HEPH: variants seen among roughly 807,000 people sequenced by gnomAD.
The protein encoded by HEPH is hephaestin.
A neutral mutation model predicts 80.8 loss-of-function variants in HEPH; 69 were observed. The ratio of observed to expected loss-of-function variants is 0.85; its 90% CI spans 0.70 to 1.04. The LOEUF is 1.04. HEPH is among the 50% of genes least tolerant of loss of function. The probability of loss-of-function intolerance (pLI) is 0.00; values close to 1 mark genes in which losing one functional copy is unlikely to be tolerated. For missense variants in HEPH, 1,115 were observed against 891.3 expected, an observed-to-expected ratio of 1.25 and a Z score of -3.20; for synonymous variants, 431 against 322.8, an observed-to-expected ratio of 1.34 and a Z score of -3.60.
intron 1 of HEPH, among the ~76,000 whole-genome samples, chrX:66,165,302 G>A (rs1054237751): frequency 2.7e-5 from 3 of 111,793 alleles, no homozygotes; most frequent in Non-Finnish European, 5.6e-5. Flanking sequence ...CAAGAGATAG[G>A]ATTTGAATCA....
chrX:66,222,400 C>A lies in HEPH; in HGVS notation c.2563+14154C>A, dbSNP rs1168652360. 5.3e-5 allele frequency among the ~76,000 whole-genome samples: 6 copies of A among 112,540 alleles called. No individual in the cohort carries two copies. In the Admixed American group the frequency reaches 5.6e-4, roughly 10 times the overall value. ...GGGGACAATCTGGGCCTCTGGCTTG[C>A]CATGTGCACAAGCATAACAATTGCT... On this transcript the variant is annotated intron_variant, in intron 15 of 20. Coordinates refer to ENST00000343002, the MANE Select transcript of HEPH (RefSeq NM_001367233.3).
chrX:66,168,898 T>A (rs2086477350), intron 1 of HEPH, among the ~76,000 whole-genome samples: 2 of 112,068 alleles, frequency 1.8e-5, no homozygotes, highest in Non-Finnish European at 3.8e-5. Context: ...GTATGTCTGT[T>A]TGTAAAGTGA....
At chrX:66,180,708 T>A (rs1193102293) in intron 4 of HEPH, among the ~76,000 whole-genome samples, 2 of 66,257 alleles carry the variant, frequency 3.0e-5, no homozygotes, top group East Asian at 4.8e-4. Context: ...TTTTTTTTTT[T>A]AATTATACTC....
intron 19 of HEPH, 86 bp from the exon 20 acceptor site, chrX:66,263,558 A>C: frequency 9.7e-7 from 1 of 1,030,221 alleles, no homozygotes; most frequent in Non-Finnish European, 1.4e-6. Flanking sequence ...AAATTTCTGC[A>C]ACCAATGTTG....
At chrX:66,217,550 C>G (rs1006357238) in intron 15 of HEPH, among the ~76,000 whole-genome samples, 4 of 111,541 alleles carry the variant, frequency 3.6e-5, no homozygotes, top group Non-Finnish European at 7.5e-5. Context: ...AAACTTGAAA[C>G]CAATCCTCAA....
At position 66,203,429 on chromosome X, in the gene HEPH, G is replaced by A. The variant is rs1481623155; in HGVS notation, c.2143G>A (p.Val715Ile). 1 of 1,208,017 alleles carries A rather than the reference G, an allele frequency of 8.3e-7. No homozygotes were observed. The highest frequency in any genetic ancestry group is 1.8e-5 in the African/African-American group (1 of 56,581). The stretch of plus-strand genomic sequence containing the variant: ...AGCAGGGATGAGGGCAATCTATAAT[G>A]TCTCCCAGTGTCCTGGCCACCAAGC... ...REAGMRAIYNVSQCPGHQATP... is the reference protein window; with the variant it reads ...REAGMRAIYNISQCPGHQATP... Residue 715 changes from valine to isoleucine, a missense_variant, in exon 13 of 21, where the codon GTC (valine) becomes ATC (isoleucine). Physicochemically the swap from Val to Ile is conservative, Grantham distance 29. Coordinates refer to ENST00000343002, the MANE Select transcript of HEPH (RefSeq NM_001367233.3).
intron 15 of HEPH, among the ~76,000 whole-genome samples, chrX:66,240,545 C>G (rs1476240839): frequency 9.3e-6 from 1 of 108,041 alleles, no homozygotes; most frequent in East Asian, 2.9e-4. Flanking sequence ...TGCACCCACC[C>G]CAGACATACA....
intron 19 of HEPH, among the ~76,000 whole-genome samples, chrX:66,263,040 A>G (rs1447789566): frequency 9.0e-6 from 1 of 111,009 alleles, no homozygotes; most frequent in African/African-American, 3.3e-5. Context: ...ATTGAGGGAG[A>G]GGAAGACTGA....
intron 16 of HEPH, among the ~76,000 whole-genome samples, chrX:66,255,418 CAAAAAACACAAAAG>C (rs1333463759): frequency 2.1e-4 from 22 of 106,286 alleles, no homozygotes; most frequent in Non-Finnish European, 1.3e-4. Flanking sequence ...CACAAACAAA[CAAAAAACACAAAAG>C]AAACCTGGGA....
chrX:66,258,916 G>A lies in HEPH; in HGVS notation c.2973G>A (p.Leu991=), dbSNP rs1173530575. The A allele has an allele frequency of 1.7e-6, 2 of 1,165,594 alleles. No homozygotes were observed. The highest frequency in any genetic ancestry group is 6.3e-5 in the East Asian group (2 of 31,848). Residue 991 remains leucine, a synonymous_variant, in exon 18 of 21, where the codon CTG becomes CTA. Coordinates refer to ENST00000343002, the MANE Select transcript of HEPH (RefSeq NM_001367233.3). ...GAGAACGAGTGGCCTGGTACATGCT[G>A]GCCATGGGCCAAGATGTGGATCTAC... The part of the protein sequence containing the change: ...YQGERVAWYM[L]AMGQDVDLHT...
intron 9 of HEPH, 39 bp from the exon 10 acceptor site, chrX:66,197,644 T>C: frequency 1.8e-6 from 2 of 1,081,807 alleles, no homozygotes; most frequent in Non-Finnish European, 2.6e-6. Context: ...ATTCTCATTC[T>C]AGTCAATCTA....
At chrX:66,189,145 G>A (rs980245235) in intron 5 of HEPH, among the ~76,000 whole-genome samples, 1 of 112,182 alleles carries the variant, frequency 8.9e-6, no homozygotes, top group African/African-American at 3.2e-5. Context: ...TCATTTACTG[G>A]CCATTCATGA....
At position 66,256,160 on chromosome X, in the gene HEPH, A is replaced by G. The variant is rs1200312992; in HGVS notation, c.2726A>G (p.Glu909Gly). 1.7e-6 allele frequency: 2 copies of G among 1,211,298 alleles called. No individual in the cohort carries two copies. Among genetic ancestry groups the G allele is most frequent in the South Asian group, 1.8e-5 (1 of 56,983 alleles). The part of the protein sequence containing the change: ...PLAICQKGIL[E>G]PHGGRSDMDR... ...GCTATCTGCCAAAAGGGCATCCTGG[A>G]GCCCCATGGAGGACGGAGTGACATG... Residue 909 changes from glutamate to glycine, a missense_variant, in exon 17 of 21, where the codon GAG (glutamate) becomes GGG (glycine). This residue lies in a region of HEPH where 716 missense variants were observed against 523.5 expected (regional missense o/e 1.37). Coordinates refer to ENST00000343002, the MANE Select transcript of HEPH (RefSeq NM_001367233.3).
At chrX:66,232,731 T>C (rs2090200940) in intron 15 of HEPH, among the ~76,000 whole-genome samples, 2 of 111,242 alleles carry the variant, frequency 1.8e-5, no homozygotes, top group Admixed American at 9.6e-5. Context: ...AATTTTAAAA[T>C]ATATAAAAAA....
intron 4 of HEPH, among the ~76,000 whole-genome samples, chrX:66,180,650 AT>A (rs766943495): frequency 0.39 from 18,882 of 48,050 alleles, 3,993 homozygotes; most frequent in African/African-American, 0.74. Context: ...TCACAGCTGT[AT>A]TTTTTTTTTT....
At chrX:66,202,799 A>G (rs1602321776) in intron 12 of HEPH, among the ~76,000 whole-genome samples, 1 of 108,773 alleles carries the variant, frequency 9.2e-6, no homozygotes, top group African/African-American at 3.3e-5. Context: ...ACTGTTCACA[A>G]ATTATTGTGT....
At position 66,260,112 on chromosome X, in the gene HEPH, T is replaced by G; in HGVS notation, c.3049T>G (p.Tyr1017Asp). ...ATCTCTCTTGCAGAATGGCGAGAAC[T>G]ACCGGGCAGATGTGGTGGATCTGTT... ...ESFLYRNGEN[Y>D]RADVVDLFPG... The change falls in exon 19 of 21, where the codon TAC (tyrosine) becomes GAC (aspartate). Residue 1017 changes from tyrosine to aspartate, a missense_variant. Tyr to Asp is a radical substitution (Grantham distance 160). Around this residue, in one of 3 missense-constraint regions of HEPH, gnomAD observed 716 missense variants for 523.5 expected, o/e 1.37. Coordinates refer to ENST00000343002, the MANE Select transcript of HEPH (RefSeq NM_001367233.3). The G allele has an allele frequency of 8.3e-7, 1 of 1,208,688 alleles. No individual in the cohort carries two copies. Among genetic ancestry groups the G allele is most frequent in the Non-Finnish European group, 1.1e-6 (1 of 893,459 alleles).
intron 13 of HEPH, among the ~76,000 whole-genome samples, chrX:66,206,786 T>A (rs1204560524): frequency 9.1e-6 from 1 of 109,335 alleles, no homozygotes; most frequent in Non-Finnish European, 1.9e-5. Context: ...GAGGCCAAGG[T>A]GGGTGAATCA....
chrX:66,201,889 T>C (rs1461645565), intron 12 of HEPH, among the ~76,000 whole-genome samples: 1 of 112,317 alleles, frequency 8.9e-6, no homozygotes, highest in Non-Finnish European at 1.9e-5. Flanking sequence ...TGATAGGATT[T>C]ACTGATGCAA....
Sources: gnomAD v4.1 joint callset for allele counts (sites outside exome capture counted in the v4.1 genomes callset) on GRCh38, gnomAD v4.1.1 for gene constraint, gnomAD v4.1.1 regional missense constraint, MANE v1.5 for transcripts, NCBI Gene and HGNC (gene_info 2026-07-23, HGNC 2026-07-21) for gene names.